Variants in METTL15 observed in about 807,000 individuals in gnomAD.
The protein encoded by METTL15 is 12S rRNA N(4)-cytidine methyltransferase METTL15.
METTL15 carries 34 observed loss-of-function variants against 38.3 expected under a neutral mutation model. The observed-to-expected ratio is 0.89, with a 90% confidence interval of 0.68 to 1.18. The LOEUF is 1.18. Ranked by LOEUF, METTL15 falls within the 50% of genes most tolerant of loss-of-function variation. The pLI is 0.00. For missense variants in METTL15, 438 were observed against 498.4 expected, an observed-to-expected ratio of 0.88 and a Z score of 1.15; for synonymous variants, 162 against 170.9, an observed-to-expected ratio of 0.95 and a Z score of 0.41.
chr11:28,397,139 T>C (rs1383803262), intron 5 of METTL15, among the ~76,000 whole-genome samples: 3 of 151,592 alleles, frequency 2.0e-5, no homozygotes, highest in Non-Finnish European at 4.4e-5. Context: ...ATAAAAACCC[T>C]AGAAGAAAAC....
At chr11:28,386,973 T>C (rs1033435601) in intron 5 of METTL15, among the ~76,000 whole-genome samples, 4 of 151,846 alleles carry the variant, frequency 2.6e-5, no homozygotes, top group Admixed American at 2.6e-4. Context: ...TCAAAGAACA[T>C]ATAACAAGGG....
chr11:28,397,542 C>G lies in METTL15; in HGVS notation c.*359-26757C>G, dbSNP rs552750784. On this transcript the variant is annotated intron_variant and NMD_transcript_variant, in intron 5 of 7. Transcript: ENST00000532947. ...TGCAAATCAAAACCACAATGAGATA[C>G]CATCTCACACCAGTTAGAATGGCGA... is the stretch of plus-strand genomic sequence containing the variant. 1.1e-4 allele frequency among the ~76,000 whole-genome samples: 16 copies of G among 152,016 alleles called. No individual in the cohort carries two copies. In the South Asian group the frequency reaches 1.5e-3, roughly 14 times the overall value.
intron 6 of METTL15, among the ~76,000 whole-genome samples, chr11:28,490,147 A>G (rs1437909191): frequency 1.3e-5 from 2 of 152,136 alleles, no homozygotes; most frequent in Non-Finnish European, 2.9e-5. Flanking sequence ...TTGAGGTGTC[A>G]TGGCTGAGAA....
chr11:28,333,734 A>G (rs912056684), downstream of METTL15, among the ~76,000 whole-genome samples: 2 of 151,810 alleles, frequency 1.3e-5, no homozygotes, highest in African/African-American at 4.8e-5. Flanking sequence ...TGTCTTTTCT[A>G]TTTCATGTAG....
At chr11:28,513,042 T>G (rs1389043754) in intron 6 of METTL15, among the ~76,000 whole-genome samples, 5 of 152,212 alleles carry the variant, frequency 3.3e-5, no homozygotes, top group Non-Finnish European at 2.9e-5. Flanking sequence ...GTAAGTGGAC[T>G]TGCATAGTTC....
intron 4 of METTL15, among the ~76,000 whole-genome samples, chr11:28,258,866 C>T (rs1855081044): frequency 6.6e-6 from 1 of 152,130 alleles, no homozygotes; most frequent in Non-Finnish European, 1.5e-5. Context: ...TGCTACTCTG[C>T]CCTCCTGTGG....
At chr11:28,258,540 T>G (rs1855065838) in intron 4 of METTL15, among the ~76,000 whole-genome samples, 1 of 152,132 alleles carries the variant, frequency 6.6e-6, no homozygotes. Context: ...TCTTTGAAGT[T>G]TGTCTGGTGT....
chr11:28,191,818 A>T (rs1851710142), intron 3 of METTL15, among the ~76,000 whole-genome samples: 1 of 151,702 alleles, frequency 6.6e-6, no homozygotes, highest in African/African-American at 2.4e-5. Context: ...CTGACTGTAA[A>T]ATACCTAAAA....
intron 6 of METTL15, among the ~76,000 whole-genome samples, chr11:28,317,968 A>G (rs530583620): frequency 2.0e-5 from 3 of 152,184 alleles, no homozygotes; most frequent in Non-Finnish European, 2.9e-5. Context: ...TTGGGGTGAT[A>G]TCATTAGAAG....
intron 4 of METTL15, among the ~76,000 whole-genome samples, chr11:28,247,292 T>G (rs1030147951): frequency 1.3e-5 from 2 of 152,180 alleles, no homozygotes; most frequent in Non-Finnish European, 2.9e-5. Context: ...TGTTGATTTC[T>G]ATAATTTTTC....
At chr11:28,361,077 G>C (rs1193208352) in intron 4 of METTL15, among the ~76,000 whole-genome samples, 1 of 151,696 alleles carries the variant, frequency 6.6e-6, no homozygotes, top group Non-Finnish European at 1.5e-5. Flanking sequence ...CATTTGGGTT[G>C]GTTCCAAGTC....
chr11:28,377,797 C>G (rs1590351654), intron 5 of METTL15, among the ~76,000 whole-genome samples: 2 of 125,920 alleles, frequency 1.6e-5, no homozygotes, highest in African/African-American at 5.1e-5. Context: ...GTTTTATCCA[C>G]TTTTGGTCTT....
In METTL15 at chr11:28,333,269, T is replaced by C. The variant is rs55797206; in HGVS notation, c.*2428T>C. The C allele has an allele frequency of 1.3e-5, 2 of 152,172 alleles. No individual in the cohort carries two copies. Among genetic ancestry groups the C allele is most frequent in the Admixed American group, 6.5e-5 (1 of 15,268 alleles). 9.4% of individuals were successfully genotyped at this position (152,172 alleles called of 1,614,324 possible). The stretch of plus-strand genomic sequence containing the variant: ...GAAAAATCCTTCAATAAACACAAAA[T>C]TGGTTTCAAAATGTTTTCATGTAAA... On this transcript the variant is annotated 3_prime_UTR_variant, in exon 7 of 7. Transcript: ENST00000407364.
chr11:28,111,732 C>A (rs559135246), intron 2 of METTL15, among the ~76,000 whole-genome samples: 2 of 152,174 alleles, frequency 1.3e-5, no homozygotes, highest in East Asian at 1.9e-4. Context: ...TTTCAAGAGT[C>A]GTGGTAAGGA....
intron 4 of METTL15, among the ~76,000 whole-genome samples, chr11:28,237,943 T>C (rs1254821355): frequency 1.3e-5 from 2 of 152,198 alleles, no homozygotes; most frequent in Non-Finnish European, 2.9e-5. Flanking sequence ...CAAATGCTGC[T>C]GTCTGATCAT....
At chr11:28,430,028 G>A (rs1196088208) in intron 6 of METTL15, among the ~76,000 whole-genome samples, 3 of 140,248 alleles carry the variant, frequency 2.1e-5, no homozygotes, top group Non-Finnish European at 4.7e-5. Flanking sequence ...GGGATGTGAG[G>A]AGCGCCTCTG....
chr11:28,234,047 A>T (rs2133887866), intron 4 of METTL15, among the ~76,000 whole-genome samples: 1 of 149,534 alleles, frequency 6.7e-6, no homozygotes, highest in East Asian at 2.0e-4. Context: ...GAGTGAGAAT[A>T]TATGGTGTTT....
chr11:28,136,268 T>C (rs1003993189), intron 3 of METTL15, among the ~76,000 whole-genome samples: 15 of 152,186 alleles, frequency 9.9e-5, no homozygotes, highest in African/African-American at 2.7e-4. Context: ...GTGGAGATAA[T>C]TGAATCATGG....
At chr11:28,115,167 T>C (rs1851886037) in intron 3 of METTL15, among the ~76,000 whole-genome samples, 1 of 152,180 alleles carries the variant, frequency 6.6e-6, no homozygotes, top group Non-Finnish European at 1.5e-5. Context: ...TGTATAACTT[T>C]TGATTCTCCA....
Sources: gnomAD v4.1 joint callset for allele counts (sites outside exome capture counted in the v4.1 genomes callset) on GRCh38, gnomAD v4.1.1 for gene constraint, MANE v1.5 for transcripts, NCBI Gene and HGNC (gene_info 2026-07-23, HGNC 2026-07-21) for gene names.